ZNF277: variants seen among roughly 807,000 people sequenced by gnomAD.
ZNF277 encodes nuclear receptor-interacting factor 4.
In ZNF277, 55 loss-of-function variants were observed where a neutral mutation model predicts 60.7. The ratio of observed to expected loss-of-function variants is 0.91; its 90% CI spans 0.73 to 1.13. The LOEUF (loss-of-function observed/expected upper bound fraction) is 1.13, where lower values mean the gene tolerates loss of function less well. ZNF277 is among the 50% of genes most tolerant of loss of function. The pLI is 0.00. For missense variants in ZNF277, 510 were observed against 523.0 expected, an observed-to-expected ratio of 0.98 and a Z score of 0.24; for synonymous variants, 178 against 179.3, an observed-to-expected ratio of 0.99 and a Z score of 0.06.
chr7:112,331,407 A>C (rs547037592), intron 7 of ZNF277, among the ~76,000 whole-genome samples: 1 of 152,332 alleles, frequency 6.6e-6, no homozygotes, highest in Admixed American at 6.5e-5. Flanking sequence ...TTCTTAAGCA[A>C]ATGGAATTTT....
intron 1 of ZNF277, among the ~76,000 whole-genome samples, chr7:112,224,734 G>C (rs554630275): frequency 1.5e-4 from 23 of 152,256 alleles, no homozygotes; most frequent in African/African-American, 4.3e-4. Flanking sequence ...TCAGGAAAAG[G>C]GTTCAGAGGA....
chr7:112,304,716 T>A (rs1792551670), intron 4 of ZNF277, among the ~76,000 whole-genome samples: 1 of 152,140 alleles, frequency 6.6e-6, no homozygotes, highest in Non-Finnish European at 1.5e-5. Flanking sequence ...AATACCGTCT[T>A]ACTGTCAGAA....
intron 1 of ZNF277, among the ~76,000 whole-genome samples, chr7:112,231,242 G>A (rs1323717989): frequency 2.0e-5 from 3 of 151,726 alleles, no homozygotes; most frequent in East Asian, 3.9e-4. Context: ...GTGTCTTTGT[G>A]TATGATGTGT....
intron 1 of ZNF277, among the ~76,000 whole-genome samples, chr7:112,229,472 T>A (rs1013122296): frequency 6.6e-6 from 1 of 152,224 alleles, no homozygotes; most frequent in African/African-American, 2.4e-5. Context: ...AACCAACTTA[T>A]AAGAAACTGT....
chr7:112,206,775 G>A lies in ZNF277; in HGVS notation c.59G>A (p.Ser20Asn). 1 of 1,613,270 alleles carries A rather than the reference G, an allele frequency of 6.2e-7. No homozygotes were observed. The highest frequency in any genetic ancestry group is 8.5e-7 in the Non-Finnish European group (1 of 1,179,676). ...CGAATGCAGGAAGACCGTGATGGGA[G>A]CTGCAGCACAGTCGGGGGTGTAGGT... ...VARMQEDRDG[S>N]CSTVGGVGYG... Residue 20 changes from serine (S) to asparagine (N), a missense_variant, in exon 1 of 12, where the codon AGC becomes AAC. Transcript: ENST00000361822.
intron 1 of ZNF277, among the ~76,000 whole-genome samples, chr7:112,269,268 T>C (rs1791615721): frequency 6.6e-6 from 1 of 151,952 alleles, no homozygotes; most frequent in African/African-American, 2.4e-5. Flanking sequence ...ATCTCTTTGA[T>C]ATCAGTGTCT....
chr7:112,274,116 G>A (rs1177541155), intron 1 of ZNF277, among the ~76,000 whole-genome samples: 4 of 151,624 alleles, frequency 2.6e-5, no homozygotes, highest in African/African-American at 9.7e-5. Context: ...TTAAATGAGT[G>A]GTTATATGGT....
chr7:112,246,606 A>G (rs977065975), intron 1 of ZNF277, among the ~76,000 whole-genome samples: 4 of 152,196 alleles, frequency 2.6e-5, no homozygotes, highest in African/African-American at 7.2e-5. Context: ...GATGATGCAT[A>G]GTAAAGAAAG....
At chr7:112,211,223 A>G (rs1218378407) in intron 1 of ZNF277, among the ~76,000 whole-genome samples, 1 of 152,200 alleles carries the variant, frequency 6.6e-6, no homozygotes, top group African/African-American at 2.4e-5. Context: ...TGTATTTCCT[A>G]TTTCAATAAA....
intron 2 of ZNF277, among the ~76,000 whole-genome samples, chr7:112,291,584 C>T (rs1195140228): frequency 5.3e-5 from 8 of 151,984 alleles, no homozygotes; most frequent in South Asian, 2.1e-4. Flanking sequence ...AAGAGAAGTA[C>T]TAAATGAGCT....
chr7:112,334,015 C>G (rs913168369), intron 7 of ZNF277, among the ~76,000 whole-genome samples: 3 of 152,132 alleles, frequency 2.0e-5, no homozygotes, highest in African/African-American at 7.2e-5. Flanking sequence ...TTTTATCATT[C>G]TTTGATTTAA....
chr7:112,235,338 G>A (rs1283293944), intron 1 of ZNF277, among the ~76,000 whole-genome samples: 1 of 152,014 alleles, frequency 6.6e-6, no homozygotes, highest in Non-Finnish European at 1.5e-5. Flanking sequence ...ATTTTGAACT[G>A]TCAAACTGTT....
At chr7:112,337,055 A>G (rs10247540) in intron 8 of ZNF277, among the ~76,000 whole-genome samples, 17,636 of 152,154 alleles carry the variant, frequency 0.12, 2,268 homozygotes, top group African/African-American at 0.32. Context: ...CTTGCCATGA[A>G]AAATTCTCTC....
chr7:112,287,193 C>CG (rs1486235776), intron 2 of ZNF277, 119 bp downstream of exon 2: 1 of 974,830 alleles, frequency 1.0e-6, no homozygotes, highest in Non-Finnish European at 1.5e-6. Flanking sequence ...AGTAGTAGTT[C>CG]AAGATGCCAG....
chr7:112,215,714 C>T (rs1381258339), intron 1 of ZNF277, among the ~76,000 whole-genome samples: 1 of 152,194 alleles, frequency 6.6e-6, no homozygotes, highest in East Asian at 1.9e-4. Context: ...ATACTGTCCT[C>T]ATTTCATGTT....
intron 1 of ZNF277, among the ~76,000 whole-genome samples, chr7:112,241,620 T>C (rs1318532798): frequency 6.6e-6 from 1 of 152,168 alleles, no homozygotes; most frequent in Non-Finnish European, 1.5e-5. Flanking sequence ...CATCAACAGA[T>C]GAATAGCTAG....
At chr7:112,296,929 T>A (rs1173178736) in intron 4 of ZNF277, among the ~76,000 whole-genome samples, 6,601 of 88,858 alleles carry the variant, frequency 0.074, 718 homozygotes, top group African/African-American at 0.21. Context: ...TTTTTTTTTT[T>A]TTTTTTTTTT....
At chr7:112,227,104 C>T (rs918746859) in intron 1 of ZNF277, among the ~76,000 whole-genome samples, 1 of 152,064 alleles carries the variant, frequency 6.6e-6, no homozygotes, top group African/African-American at 2.4e-5. Flanking sequence ...TGTGGCAATA[C>T]GTTAGTGAAT....
intron 4 of ZNF277, among the ~76,000 whole-genome samples, chr7:112,317,059 C>G (rs991270055): frequency 2.0e-5 from 3 of 151,962 alleles, no homozygotes; most frequent in African/African-American, 7.3e-5. Context: ...GAACAGAAAA[C>G]CAAACACCAC....
Sources: allele counts gnomAD v4.1 joint callset (sites outside exome capture counted in the v4.1 genomes callset), GRCh38; gene constraint gnomAD v4.1.1; transcripts MANE v1.5; gene names NCBI Gene and HGNC (gene_info 2026-07-23, HGNC 2026-07-21).